The following EGFR variants were observed in gnomAD, a reference collection of about 807,000 sequenced individuals.
EGFR encodes the protein epidermal growth factor receptor.
EGFR carries 58 observed loss-of-function variants against 143.0 expected under a neutral mutation model. The observed-to-expected ratio is 0.41, with a 90% CI of 0.33 to 0.50. The LOEUF is 0.50. Ranked by LOEUF, EGFR falls within the 20% of genes least tolerant of loss-of-function variation. The probability of loss-of-function intolerance (pLI) is 0.39; values close to 1 mark genes in which losing one functional copy is unlikely to be tolerated. For missense variants in EGFR, 1,307 were observed against 1,579.0 expected, an observed-to-expected ratio of 0.83 and a Z score of 2.92; for synonymous variants, 613 against 594.4, an observed-to-expected ratio of 1.03 and a Z score of -0.45.
At chr7:55,145,698 A>G (rs975812733) in intron 3 of EGFR, among the ~76,000 whole-genome samples, 48 of 152,296 alleles carry the variant, frequency 3.2e-4, no homozygotes, top group African/African-American at 1.1e-3. Context: ...TTTTTTCTCT[A>G]TTAAAGTCAC....
intron 1 of EGFR, chr7:55,109,951 A>T (rs1453022641): frequency 1.0e-6 from 1 of 985,326 alleles, no homozygotes; most frequent in Non-Finnish European, 1.2e-6. Context: ...GGTTATCCGG[A>T]TAACCAAGTA....
intron 22 of EGFR, among the ~76,000 whole-genome samples, chr7:55,196,815 C>A (rs10242263): frequency 0.042 from 6,347 of 151,160 alleles, 447 homozygotes; most frequent in African/African-American, 0.14. Flanking sequence ...TCAACGATCA[C>A]ATGGTTGTAG....
At position 55,043,107 on chromosome 7, in the gene EGFR, A is replaced by T. The variant is rs1787992463; in HGVS notation, c.88+23742A>T. 3.3e-5 allele frequency among the ~76,000 whole-genome samples: 5 copies of T among 152,132 alleles called. 1 individual carries two copies. In the South Asian group the frequency reaches 1.0e-3, roughly 32 times the overall value. On this transcript the variant is annotated intron_variant, in intron 1 of 27. Coordinates refer to ENST00000275493, the MANE Select transcript of EGFR (RefSeq NM_005228.5). ...CTGCTCTCAATGTTAATACTTGATG[A>T]GATCGGGCGCGTTCAAGGTGGCATG... is the stretch of plus-strand genomic sequence containing the variant.
At chr7:55,181,730 G>C in intron 20 of EGFR, 1 of 567,134 alleles carries the variant, frequency 1.8e-6, no homozygotes, top group Non-Finnish European at 3.2e-6. Flanking sequence ...TGAGTGCTCA[G>C]TGTGGTCTGA....
At chr7:55,046,475 C>T (rs565659956) in intron 1 of EGFR, among the ~76,000 whole-genome samples, 1 of 152,142 alleles carries the variant, frequency 6.6e-6, no homozygotes, top group East Asian at 1.9e-4. Context: ...ATGGGCTGCC[C>T]TTCATGGCTC....
chr7:55,170,052 C>A (rs2128950248), intron 15 of EGFR, among the ~76,000 whole-genome samples: 1 of 152,236 alleles, frequency 6.6e-6, no homozygotes, highest in Admixed American at 6.5e-5. Flanking sequence ...GTAACGAGGT[C>A]TCCTGTATAT....
At chr7:55,044,732 C>T (rs1266469513) in intron 1 of EGFR, among the ~76,000 whole-genome samples, 2 of 152,220 alleles carry the variant, frequency 1.3e-5, no homozygotes, top group African/African-American at 2.4e-5. Flanking sequence ...CCGCATAACT[C>T]GTGTGTCCTA....
intron 4 of EGFR, among the ~76,000 whole-genome samples, chr7:55,147,809 A>G (rs1333693295): frequency 6.6e-6 from 1 of 152,246 alleles, no homozygotes; most frequent in Non-Finnish European, 1.5e-5. Flanking sequence ...TGGCCCTGGC[A>G]GGCAACAGTC....
intron 1 of EGFR, among the ~76,000 whole-genome samples, chr7:55,033,856 T>G (rs1787408536): frequency 6.6e-6 from 1 of 152,230 alleles, no homozygotes; most frequent in Non-Finnish European, 1.5e-5. Context: ...CTTTTTTGTT[T>G]CCTGCATAGT....
At chr7:55,039,472 G>T (rs1787780432) in intron 1 of EGFR, among the ~76,000 whole-genome samples, 1 of 152,180 alleles carries the variant, frequency 6.6e-6, no homozygotes, top group Non-Finnish European at 1.5e-5. Flanking sequence ...AAGACTGGCA[G>T]AGAGAAGAGG....
Position 55,134,891 on chromosome 7 carries a change from C to T in EGFR, c.89-7395C>T, listed in dbSNP as rs147023623. 2.5e-3 allele frequency among the ~76,000 whole-genome samples: 384 copies of T among 152,256 alleles called. 2 individuals carry two copies. Among genetic ancestry groups the T allele is most frequent in the African/African-American group, 7.6e-3 (314 of 41,538 alleles). ...GATCTCAGTACTGCTCACAACTGCCCTGTGAAATTCGCCGAGCTGGCCCCA... is the reference window on the plus strand; with the variant it reads ...GATCTCAGTACTGCTCACAACTGCCTTGTGAAATTCGCCGAGCTGGCCCCA... On this transcript the variant is annotated intron_variant, in intron 1 of 27. Coordinates refer to ENST00000275493, the MANE Select transcript of EGFR (RefSeq NM_005228.5).
At chr7:55,184,181 G>A (rs951216538) in intron 20 of EGFR, among the ~76,000 whole-genome samples, 1 of 152,218 alleles carries the variant, frequency 6.6e-6, no homozygotes, top group African/African-American at 2.4e-5. Flanking sequence ...AGGGCAGTGA[G>A]CCCCTTCGCA....
At chr7:55,079,197 C>G (rs1425686971) in intron 1 of EGFR, among the ~76,000 whole-genome samples, 1 of 151,942 alleles carries the variant, frequency 6.6e-6, no homozygotes, top group Non-Finnish European at 1.5e-5. Flanking sequence ...CCAGGGGACT[C>G]GAGATGGGGA....
intron 1 of EGFR, among the ~76,000 whole-genome samples, chr7:55,040,307 A>G (rs922997339): frequency 2.0e-5 from 3 of 152,060 alleles, no homozygotes; most frequent in African/African-American, 7.2e-5. Flanking sequence ...CATATCCTAC[A>G]TTTTTTCAAA....
rs2229066 is a variant in EGFR, at chr7:55,191,757, C to T, written c.2508C>T (p.Arg836=). ...TGGAGGACCGTCGCTTGGTGCACCGCGACCTGGCAGCCAGGAACGTACTGG... is the reference window on the plus strand; with the variant it reads ...TGGAGGACCGTCGCTTGGTGCACCGTGACCTGGCAGCCAGGAACGTACTGG... ...NYLEDRRLVH[R]DLAARNVLVK... is the part of the protein sequence containing the mutation. Residue 836 remains arginine, a synonymous_variant, in exon 21 of 28, where the codon CGC becomes CGT. Coordinates refer to ENST00000275493, the MANE Select transcript of EGFR (RefSeq NM_005228.5). 34,385 of 1,613,938 alleles carry T rather than the reference C, an allele frequency of 0.021. 479 individuals are homozygous for T. Among genetic ancestry groups the T allele is most frequent in the Non-Finnish European group, 0.025 (29,579 of 1,179,998 alleles).
intron 1 of EGFR, among the ~76,000 whole-genome samples, chr7:55,094,370 G>C (rs577761041): frequency 6.6e-6 from 1 of 152,318 alleles, no homozygotes; most frequent in Admixed American, 6.5e-5. Flanking sequence ...GGGCAGGGGG[G>C]GCCTCACTGT....
At chr7:55,054,905 G>A (rs1040597644) in intron 1 of EGFR, among the ~76,000 whole-genome samples, 2 of 152,198 alleles carry the variant, frequency 1.3e-5, no homozygotes, top group Admixed American at 6.5e-5. Context: ...GCCTCGTTGC[G>A]CACCCATGTT....
intron 1 of EGFR, among the ~76,000 whole-genome samples, chr7:55,110,722 T>C (rs188912741): frequency 6.6e-6 from 1 of 152,340 alleles, no homozygotes; most frequent in African/African-American, 2.4e-5. Flanking sequence ...ATATTGCTTT[T>C]CATGCTTTAT....
chr7:55,170,276 T>C (rs1235140060), intron 15 of EGFR: 2 of 1,614,000 alleles, frequency 1.2e-6, no homozygotes, highest in East Asian at 2.2e-5. Flanking sequence ...GCCTCTCACA[T>C]ATTGAAATGT....
Sources: gnomAD v4.1 joint callset for allele counts (sites outside exome capture counted in the v4.1 genomes callset) on GRCh38, gnomAD v4.1.1 for gene constraint, MANE v1.5 for transcripts, NCBI Gene and HGNC (gene_info 2026-07-23, HGNC 2026-07-21) for gene names.